Variants in AGBL1 observed in about 807,000 individuals in gnomAD.
AGBL1 encodes the protein AGBL carboxypeptidase 1, also known as cytosolic carboxypeptidase 4.
In AGBL1, 130 loss-of-function variants were observed where a neutral mutation model predicts 118.9. The ratio of observed to expected loss-of-function variants is 1.09; its 90% confidence interval spans 0.95 to 1.26. The LOEUF is 1.26. AGBL1 is among the 50% of genes most tolerant of loss of function. AGBL1 has a pLI of 0.00. For missense variants in AGBL1, 1,584 were observed against 1,298.1 expected (o/e 1.22, Z -3.38); for synonymous variants, 555 against 478.9 (o/e 1.16, Z -2.08).
chr15:86,145,304 A>G (rs905325723), intron 3 of AGBL1, among the ~76,000 whole-genome samples: 1 of 152,208 alleles, frequency 6.6e-6, no homozygotes. Context: ...AGAAGGGCCT[A>G]GAGTTCTTTC....
At chr15:86,599,215 C>T (rs2084456032) in intron 21 of AGBL1, among the ~76,000 whole-genome samples, 1 of 152,070 alleles carries the variant, frequency 6.6e-6, no homozygotes, top group Non-Finnish European at 1.5e-5. Context: ...GGGACACTTA[C>T]TAGTATTATG....
At chr15:86,320,252 A>T (rs2080084257) in intron 17 of AGBL1, among the ~76,000 whole-genome samples, 2 of 152,304 alleles carry the variant, frequency 1.3e-5, no homozygotes, top group East Asian at 3.9e-4. Context: ...TTTTGAGAAC[A>T]TGTTATTTCA....
intron 22 of AGBL1, among the ~76,000 whole-genome samples, chr15:86,805,034 T>G (rs2078697867): frequency 6.6e-6 from 1 of 152,052 alleles, no homozygotes; most frequent in Admixed American, 6.6e-5. Flanking sequence ...AGTGCCAAGT[T>G]TCTAGTGCAT....
chr15:86,722,476 C>T (rs1234806041), intron 22 of AGBL1, among the ~76,000 whole-genome samples: 1 of 152,230 alleles, frequency 6.6e-6, no homozygotes, highest in South Asian at 2.1e-4. Context: ...GAAACTGGAT[C>T]CCTTCCTTAC....
intron 22 of AGBL1, among the ~76,000 whole-genome samples, chr15:86,713,833 A>G (rs142065752): frequency 6.6e-5 from 10 of 152,288 alleles, no homozygotes; most frequent in Admixed American, 6.5e-4. Flanking sequence ...CTAAAATCAA[A>G]TAAATCATGA....
At chr15:86,649,412 G>C (rs2085334247) in intron 21 of AGBL1, among the ~76,000 whole-genome samples, 2 of 152,106 alleles carry the variant, frequency 1.3e-5, no homozygotes, top group African/African-American at 4.8e-5. Context: ...GAGAATGAAT[G>C]GGCAAAAGAA....
At chr15:86,800,243 T>C (rs2078631117) in intron 22 of AGBL1, among the ~76,000 whole-genome samples, 1 of 152,082 alleles carries the variant, frequency 6.6e-6, no homozygotes, top group Non-Finnish European at 1.5e-5. Flanking sequence ...TTGGGACATA[T>C]TTATGAGCTG....
intron 16 of AGBL1, among the ~76,000 whole-genome samples, chr15:86,294,582 A>T (rs369908684): frequency 6.6e-6 from 1 of 151,868 alleles, no homozygotes; most frequent in Non-Finnish European, 1.5e-5. Flanking sequence ...TATTTTTTCA[A>T]TGTGCTCACA....
intron 1 of AGBL1, among the ~76,000 whole-genome samples, chr15:86,132,947 TG>T (rs2076838409): frequency 6.6e-6 from 1 of 152,232 alleles, no homozygotes; most frequent in Non-Finnish European, 1.5e-5. Flanking sequence ...ACCTTTTGTC[TG>T]TCATGGCCAT....
intron 7 of AGBL1, among the ~76,000 whole-genome samples, chr15:86,252,181 G>T (rs148346812): frequency 1.4e-4 from 21 of 152,292 alleles, no homozygotes; most frequent in African/African-American, 4.3e-4. Context: ...ACTGGAATAA[G>T]AACTGATATG....
intron 21 of AGBL1, among the ~76,000 whole-genome samples, chr15:86,649,140 G>T (rs2085330789): frequency 6.6e-6 from 1 of 152,138 alleles, no homozygotes; most frequent in Non-Finnish European, 1.5e-5. Context: ...TGAGGAAATA[G>T]GATCTGATGC....
At chr15:86,925,202 G>A (rs1302048258) in intron 23 of AGBL1, among the ~76,000 whole-genome samples, 65 of 115,746 alleles carry the variant, frequency 5.6e-4, no homozygotes, top group African/African-American at 1.8e-3. Context: ...AAGAAGAAAA[G>A]AAGAAGAAAA....
rs959386507 is a variant in AGBL1, at chr15:86,907,216, C to A, written c.3288C>A (p.Ile1096=). 6.6e-6 allele frequency: 1 copy of A among 152,266 alleles called. No individual in the cohort carries two copies. Among genetic ancestry groups the A allele is most frequent in the African/African-American group, 2.4e-5 (1 of 41,420 alleles). 9.4% of individuals were successfully genotyped at this position (152,266 alleles called of 1,614,324 possible). Reference sequence around the variant, plus strand: ...GCTTGTCTGAGCTGGACCGGAGGATCCAGGAGTGTGCCTTCAATAAGTTTG... The same window carrying A: ...GCTTGTCTGAGCTGGACCGGAGGATACAGGAGTGTGCCTTCAATAAGTTTG... ...EGSLSELDRR[I]QECAFNKFEG... Residue 1096 remains isoleucine, a synonymous_variant, in exon 23 of 23, where the codon ATC becomes ATA. Transcript: ENST00000614907.
At chr15:86,325,132 A>G (rs1280530089) in intron 17 of AGBL1, among the ~76,000 whole-genome samples, 15 of 152,212 alleles carry the variant, frequency 9.9e-5, no homozygotes, top group Admixed American at 9.8e-4. Context: ...ATCAGTAGGC[A>G]GGATAGGATG....
At chr15:86,280,484 T>G (rs964803660) in intron 16 of AGBL1, among the ~76,000 whole-genome samples, 3 of 152,222 alleles carry the variant, frequency 2.0e-5, no homozygotes, top group African/African-American at 7.2e-5. Context: ...TGCAGCTTTC[T>G]GTCATTTGAA....
chr15:86,876,314 C>A (rs563102704), intron 22 of AGBL1, among the ~76,000 whole-genome samples: 1 of 152,052 alleles, frequency 6.6e-6, no homozygotes, highest in Non-Finnish European at 1.5e-5. Flanking sequence ...GGACTCCAGA[C>A]AGATGAATAG....
intron 18 of AGBL1, among the ~76,000 whole-genome samples, chr15:86,474,853 G>A (rs1227861488): frequency 6.6e-6 from 1 of 152,176 alleles, no homozygotes; most frequent in Non-Finnish European, 1.5e-5. Flanking sequence ...ACCTCACATG[G>A]CCAGGTACCC....
intron 22 of AGBL1, among the ~76,000 whole-genome samples, chr15:86,748,284 G>A (rs926882809): frequency 1.3e-5 from 2 of 152,064 alleles, no homozygotes; most frequent in Non-Finnish European, 2.9e-5. Context: ...CTTCTTTTGA[G>A]AAGTGTCTGT....
In AGBL1 at chr15:86,191,398, T is replaced by G. The variant is rs546343742; in HGVS notation, c.488+32372T>G. On this transcript the variant is annotated intron_variant, in intron 5 of 22. Transcript: ENST00000614907. ...GAGAGAGAGAAATTAAGAGCACAAATTCTCCTTTTAAATGAAATTAACAGA... is the reference window on the plus strand; with the variant it reads ...GAGAGAGAGAAATTAAGAGCACAAAGTCTCCTTTTAAATGAAATTAACAGA... Among the ~76,000 whole-genome samples, 4 of 140,642 alleles carry G rather than the reference T, an allele frequency of 2.8e-5. No individual in the cohort carries two copies. The South Asian group carries it at 9.3e-4, about 33-fold the overall frequency. The allele number at this position is 140,642 out of a possible 152,430, so 92.3% of individuals were successfully genotyped here.
Sources: gnomAD v4.1 joint callset for allele counts (sites outside exome capture counted in the v4.1 genomes callset) on GRCh38, gnomAD v4.1.1 for gene constraint, MANE v1.5 for transcripts, NCBI Gene and HGNC (gene_info 2026-07-23, HGNC 2026-07-21) for gene names.